GTF2B: variants seen among roughly 807,000 people sequenced by gnomAD.
GTF2B encodes the protein general transcription factor IIB.
In GTF2B, 20 loss-of-function variants were observed where a neutral mutation model predicts 34.6. That is an observed-to-expected ratio of 0.58 (90% CI 0.41 to 0.84). The LOEUF (loss-of-function observed/expected upper bound fraction) is 0.84. GTF2B is among the 40% of genes least tolerant of loss of function. GTF2B has a pLI of 0.00. For synonymous variants in GTF2B, 142 were observed against 132.4 expected (o/e 1.07, Z -0.50); for missense variants, 237 against 393.3 (o/e 0.60, Z 3.36).
intron 5 of GTF2B, among the ~76,000 whole-genome samples, chr1:88,858,153 C>T (rs375705074): frequency 2.6e-5 from 4 of 151,722 alleles, no homozygotes; most frequent in South Asian, 2.1e-4. Context: ...GCGCCTGCCA[C>T]CACACCCGGC....
chr1:88,882,048 G>A (rs552406880), intron 2 of GTF2B, among the ~76,000 whole-genome samples: 6 of 152,128 alleles, frequency 3.9e-5, no homozygotes, highest in East Asian at 3.9e-4. Context: ...CATAGCTCAC[G>A]CCTGTAAACT....
rs79794371 is a variant in GTF2B at position 88,890,596 on chromosome 1, GA to G, written c.17+886del. 2.0e-5 allele frequency among the ~76,000 whole-genome samples: 3 copies of G among 152,230 alleles called. No individual in the cohort carries two copies. The East Asian group carries it at 5.8e-4, about 29-fold the overall frequency. Reference sequence around the variant, plus strand: ...GGATAACAGGAAACAGGTTGTCTTAGACTCTACACTCTAACACGACTCTTGG... The same window carrying G: ...GGATAACAGGAAACAGGTTGTCTTAGCTCTACACTCTAACACGACTCTTGG... On this transcript the variant is annotated intron_variant, in intron 1 of 6. Coordinates refer to ENST00000370500, the MANE Select transcript of GTF2B (RefSeq NM_001514.6).
At chr1:88,862,724 C>T (rs143646719) in intron 3 of GTF2B, among the ~76,000 whole-genome samples, 1,675 of 152,162 alleles carry the variant, frequency 0.011, 26 homozygotes, top group African/African-American at 0.039. Context: ...CTGCAACCTC[C>T]GCCTCCCGGG....
chr1:88,878,573 G>A (rs10127863), intron 2 of GTF2B, among the ~76,000 whole-genome samples: 73,539 of 152,070 alleles, frequency 0.48, 19,220 homozygotes, highest in South Asian at 0.69. Context: ...TTCCAAAGAT[G>A]GCAACAATAT....
At chr1:88,882,355 G>A (rs1341589696) in intron 2 of GTF2B, among the ~76,000 whole-genome samples, 2 of 145,164 alleles carry the variant, frequency 1.4e-5, no homozygotes, top group Non-Finnish European at 3.0e-5. Flanking sequence ...GAGGTTAGGA[G>A]AGCTAAGAAG....
In GTF2B at chr1:88,857,323, G is replaced by A. The variant is rs757680981; in HGVS notation, c.700C>T (p.His234Tyr). 6.2e-7 allele frequency: 1 copy of A among 1,613,548 alleles called. No individual in the cohort carries two copies. Among genetic ancestry groups the A allele is most frequent in the Non-Finnish European group, 8.5e-7 (1 of 1,179,468 alleles). Residue 234 changes from histidine to tyrosine, a missense_variant, in exon 6 of 7, where the codon CAT becomes TAT. Around this residue, in one of 3 missense-constraint regions of GTF2B, gnomAD observed 78 missense variants for 116.6 expected, o/e 0.67. Coordinates refer to ENST00000370500, the MANE Select transcript of GTF2B (RefSeq NM_001514.6). ...LPKQVQMAAT[H>Y]IARKAVELDL... ...AGTTCCACAGCTTTACGGGCTATATGTGTAGCTGCCATCTGTACTTGTTTA... is the reference window on the plus strand; with the variant it reads ...AGTTCCACAGCTTTACGGGCTATATATGTAGCTGCCATCTGTACTTGTTTA...
At chr1:88,884,285 G>A (rs572915061) in intron 2 of GTF2B, among the ~76,000 whole-genome samples, 46 of 152,156 alleles carry the variant, frequency 3.0e-4, no homozygotes, top group African/African-American at 1.1e-3. Flanking sequence ...CTCAGCCTCC[G>A]AAAGTGCTGG....
intron 2 of GTF2B, among the ~76,000 whole-genome samples, chr1:88,883,784 T>A: frequency 6.6e-6 from 1 of 152,222 alleles, no homozygotes; most frequent in East Asian, 1.9e-4. Flanking sequence ...AAAGTACTGC[T>A]GATGAATAAT....
chr1:88,891,467 G>GATCTGGGCTCACT lies in GTF2B; in HGVS notation c.17+15_17+16insAGTGAGCCCAGAT. ...GCCCGCCCCTCAGCTCGCCGGGCTC[G>GATCTGGGCTCACT]GCGGGACATACTAACCGGCTGGTAG... On this transcript the variant is annotated intron_variant, in intron 1 of 6. Transcript: ENST00000370500. 1.9e-6 allele frequency: 3 copies of GATCTGGGCTCACT among 1,599,830 alleles called. No homozygotes were observed. The highest frequency in any genetic ancestry group is 2.6e-6 in the Non-Finnish European group (3 of 1,171,974).
chr1:88,869,042 ATC>A (rs1231453949), intron 2 of GTF2B, among the ~76,000 whole-genome samples: 1 of 152,074 alleles, frequency 6.6e-6, no homozygotes, highest in Non-Finnish European at 1.5e-5. Flanking sequence ...CCCGGCCTGT[ATC>A]TGTGTATTCT....
Position 88,853,323 on chromosome 1 carries a change from C to CA in GTF2B, c.840dup (p.Ala281CysfsTer2). 1 of 1,612,152 alleles carries CA rather than the reference C, an allele frequency of 6.2e-7. No homozygotes were observed. Among genetic ancestry groups the CA allele is most frequent in the Non-Finnish European group, 8.5e-7 (1 of 1,178,248 alleles). On this transcript the variant is annotated frameshift_variant, in exon 7 of 7. Transcript: ENST00000370500. LOFTEE classifies it high-confidence loss of function. ...TAGGACTGTCTGATTGTAACATCAGCAACACCAGCAATATCTCCAATTTCT... is the reference window on the plus strand; with the variant it reads ...TAGGACTGTCTGATTGTAACATCAGCAAACACCAGCAATATCTCCAATTTCT...
At chr1:88,859,399 A>ATG (rs1442599873) in intron 5 of GTF2B, among the ~76,000 whole-genome samples, 1 of 152,226 alleles carries the variant, frequency 6.6e-6, no homozygotes, top group African/African-American at 2.4e-5. Flanking sequence ...AGAACATGCT[A>ATG]TGAATTTGCT....
intron 2 of GTF2B, among the ~76,000 whole-genome samples, chr1:88,873,182 GT>G (rs869087763): frequency 0.055 from 5,567 of 100,476 alleles, 129 homozygotes; most frequent in African/African-American, 0.16. Context: ...ATTCCATTAA[GT>G]TTTTTTTTTT....
intron 1 of GTF2B, among the ~76,000 whole-genome samples, chr1:88,889,984 G>A (rs1243372482): frequency 6.6e-6 from 1 of 152,148 alleles, no homozygotes; most frequent in Non-Finnish European, 1.5e-5. Flanking sequence ...TGGCTGCAGT[G>A]AGCCATGATC....
intron 2 of GTF2B, among the ~76,000 whole-genome samples, chr1:88,869,690 C>T (rs569737137): frequency 2.6e-5 from 4 of 152,056 alleles, no homozygotes; most frequent in East Asian, 1.9e-4. Flanking sequence ...TGCAGTGGCA[C>T]GATTTCAACT....
At chr1:88,889,875 A>C (rs1313899761) in intron 1 of GTF2B, among the ~76,000 whole-genome samples, 1 of 152,092 alleles carries the variant, frequency 6.6e-6, no homozygotes, top group Non-Finnish European at 1.5e-5. Context: ...AATTAATAAA[A>C]TTTAAAAATA....
At chr1:88,870,954 C>T (rs561586328) in intron 2 of GTF2B, among the ~76,000 whole-genome samples, 25 of 140,668 alleles carry the variant, frequency 1.8e-4, no homozygotes, top group Admixed American at 2.3e-4. Context: ...CAGGCTGGAG[C>T]GCAATGGTGC....
chr1:88,888,026 T>C (rs1264274956), intron 1 of GTF2B: 1 of 152,254 alleles, frequency 6.6e-6, no homozygotes, highest in Non-Finnish European at 1.5e-5. Flanking sequence ...ACATTCATCT[T>C]TTTTTGACAC....
rs34668666 is a variant in GTF2B, at chr1:88,872,455, TAAA to T, written c.125-8344_125-8342del. Among the ~76,000 whole-genome samples the T allele has an allele frequency of 1.1e-3, 80 of 74,860 alleles. 1 individual carries two copies. The highest frequency in any genetic ancestry group is 3.5e-3 in the African/African-American group (76 of 21,764). The allele number at this position is 74,860 out of a possible 152,430, so 49.1% of individuals were successfully genotyped here. On this transcript the variant is annotated intron_variant, in intron 2 of 6. Coordinates refer to ENST00000370500, the MANE Select transcript of GTF2B (RefSeq NM_001514.6). ...CAACAAGAGTGAAACTCCATCTCAA[TAAA>T]AAAAAAAAAAAAAAAAAAAAAAAAG...
Sources: allele counts gnomAD v4.1 joint callset (sites outside exome capture counted in the v4.1 genomes callset), GRCh38; gene constraint gnomAD v4.1.1; regional missense constraint gnomAD v4.1.1; transcripts MANE v1.5; gene names NCBI Gene and HGNC (gene_info 2026-07-23, HGNC 2026-07-21).